PLEKHG2: variants seen among roughly 807,000 people sequenced by gnomAD.
The protein encoded by PLEKHG2 is pleckstrin homology and RhoGEF domain containing G2.
PLEKHG2 carries 71 observed loss-of-function variants against 104.4 expected under a neutral mutation model. That is an observed-to-expected ratio of 0.68 (90% confidence interval 0.56 to 0.83). PLEKHG2 has a LOEUF of 0.83. Among genes scored for constraint, PLEKHG2 ranks in the 40% least tolerant of loss-of-function variants. The pLI is 0.00. For missense variants in PLEKHG2, 1,730 were observed against 1,809.4 expected (o/e 0.96, Z 0.80); for synonymous variants, 728 against 737.0 (o/e 0.99, Z 0.20).
In PLEKHG2 at chr19:39,425,267, G is replaced by A. The variant is rs771764171; in HGVS notation, c.4134G>A (p.Gly1378=). The change falls in exon 19 of 19, where the codon GGG becomes GGA. Residue 1378 remains glycine, a synonymous_variant. Transcript: ENST00000425673. ...QESMGLHRAQ[G]APDAPFHM ...CTATGGGCCTTCACAGGGCCCAGGG[G>A]GCTCCTGATGCCCCCTTCCACATGT... is the stretch of plus-strand genomic sequence containing the variant. 4.1e-5 allele frequency: 66 copies of A among 1,612,672 alleles called. No individual in the cohort carries two copies. The highest frequency in any genetic ancestry group is 5.5e-5 in the Non-Finnish European group (65 of 1,179,768).
In PLEKHG2 at chr19:39,416,248, C is replaced by T. The variant is rs983892538; in HGVS notation, c.480-100C>T. 1.3e-4 allele frequency: 162 copies of T among 1,203,392 alleles called. 2 individuals carry two copies. The East Asian group carries it at 3.7e-3, about 28-fold the overall frequency. 74.5% of individuals were successfully genotyped at this position (1,203,392 alleles called of 1,614,324 possible). A position where few individuals can be genotyped will look rare whatever the true frequency, so the allele number is the denominator to read the frequency against. Reference sequence around the variant, plus strand: ...TAGGAGATGCTGGCAGTCAGCAAGCCCCCAGCCCCAGCAGACCATTGGGGC... The same window carrying T: ...TAGGAGATGCTGGCAGTCAGCAAGCTCCCAGCCCCAGCAGACCATTGGGGC... On this transcript the variant is annotated intron_variant, in intron 4 of 18. Transcript: ENST00000425673. This position sits in a 1 kb window ranked among gnomAD's most constrained non-coding sequence, Gnocchi z 4.5.
chr19:39,421,218 G>A (rs1205745728), intron 15 of PLEKHG2, 65 bp from the exon 16 acceptor site: 43 of 1,612,388 alleles, frequency 2.7e-5, no homozygotes, highest in Non-Finnish European at 3.6e-5. Flanking sequence ...TCAGTTATGG[G>A]GGAATCACTC....
At chr19:39,414,007 T>A in intron 1 of PLEKHG2, 58 bp from the exon 2 acceptor site, 3 of 1,219,282 alleles carry the variant, frequency 2.5e-6, no homozygotes, top group Non-Finnish European at 3.5e-6. Flanking sequence ...CATCTGTGAG[T>A]CTGGGCGGCG....
rs1255761935 is a variant in PLEKHG2, at chr19:39,420,617, G to A, written c.1264-9G>A. Reference sequence around the variant, plus strand: ...GACCCACCTCAGCCCTCATCCTCCTGTCTTTCAGGCAAAGCAAGTTCTCCT... The same window carrying A: ...GACCCACCTCAGCCCTCATCCTCCTATCTTTCAGGCAAAGCAAGTTCTCCT... On this transcript the variant is annotated splice_polypyrimidine_tract_variant and intron_variant, in intron 11 of 18. Transcript: ENST00000425673. 2 of 1,614,008 alleles carry A rather than the reference G, an allele frequency of 1.2e-6. No homozygotes were observed. The highest frequency in any genetic ancestry group is 1.7e-5 in the Admixed American group (1 of 59,990).
chr19:39,424,267 T>C lies in PLEKHG2; in HGVS notation c.3134T>C (p.Leu1045Pro). Residue 1045 changes from leucine (L) to proline (P), a missense_variant, in exon 19 of 19, where the codon CTA becomes CCA. By Grantham distance (98) the Leu-to-Pro change is moderately conservative (BLOSUM62 -3). Coordinates refer to ENST00000425673, the MANE Select transcript of PLEKHG2 (RefSeq NM_022835.3). ...CCTGTGCCCAAGCAAGAAGGTCACCTAGACAGCGAGAGCCCAACCAATATC... is the reference window on the plus strand; with the variant it reads ...CCTGTGCCCAAGCAAGAAGGTCACCCAGACAGCGAGAGCCCAACCAATATC... Reference protein sequence around the residue: ...TTPVPKQEGHLDSESPTNIPL... With the variant: ...TTPVPKQEGHPDSESPTNIPL... 6.2e-7 allele frequency: 1 copy of C among 1,614,084 alleles called. No homozygotes were observed. The highest frequency in any genetic ancestry group is 8.5e-7 in the Non-Finnish European group (1 of 1,180,012).
Position 39,419,922 on chromosome 19 carries a change from G to A in PLEKHG2, c.1264-704G>A, listed in dbSNP as rs151287679. 6.7e-3 allele frequency among the ~76,000 whole-genome samples: 1,015 copies of A among 151,244 alleles called. 5 individuals carry two copies. Among genetic ancestry groups the A allele is most frequent in the Non-Finnish European group, 0.01 (706 of 67,772 alleles). ...AGAAAAATTAGCTGGGCATGGTGGC[G>A]CATGCCTGTAATCCCAGCTACTAGG... is the stretch of plus-strand genomic sequence containing the variant. On this transcript the variant is annotated intron_variant, in intron 11 of 18. Coordinates refer to ENST00000425673, the MANE Select transcript of PLEKHG2 (RefSeq NM_022835.3).
At chr19:39,418,147 A>G in intron 9 of PLEKHG2, 42 bp downstream of exon 9, 1 of 1,437,400 alleles carries the variant, frequency 7.0e-7, no homozygotes, top group Non-Finnish European at 9.2e-7. Flanking sequence ...CTACCTACAA[A>G]GTATATCCCA....
chr19:39,419,506 C>T (rs1052213345), intron 11 of PLEKHG2, among the ~76,000 whole-genome samples: 13 of 152,162 alleles, frequency 8.5e-5, no homozygotes, highest in Admixed American at 5.2e-4. Context: ...CTTTGGGAGA[C>T]CAAGGCGGGC....
Position 39,426,219 on chromosome 19 carries a change from A to G in PLEKHG2, c.*925A>G, listed in dbSNP as rs1340726023. On this transcript the variant is annotated 3_prime_UTR_variant, in exon 19 of 19. Transcript: ENST00000425673. ...GGGAGATCAATTTTGGGGCTCTGGG[A>G]TAAGTCTGTCCCACATCTGTCTGAT... 1 of 152,270 alleles carries G rather than the reference A, an allele frequency of 6.6e-6. No homozygotes were observed. Among genetic ancestry groups the G allele is most frequent in the Non-Finnish European group, 1.5e-5 (1 of 68,154 alleles). 9.4% of individuals were successfully genotyped at this position (152,270 alleles called of 1,614,324 possible). A position where few individuals can be genotyped will look rare whatever the true frequency, so the allele number is the denominator to read the frequency against.
At chr19:39,417,801 G>A in intron 8 of PLEKHG2, 104 bp from the exon 9 acceptor site, 3 of 1,504,112 alleles carry the variant, frequency 2.0e-6, no homozygotes, top group Non-Finnish European at 2.7e-6. Context: ...GGGTTGGCTG[G>A]GACAGCATGG....
rs191040189 is a variant in PLEKHG2 at position 39,414,212 on chromosome 19, G to A, written c.109+17G>A. The A allele has an allele frequency of 5.8e-6, 9 of 1,549,548 alleles. No homozygotes were observed. In the Admixed American group the frequency reaches 1.8e-4, roughly 30 times the overall value. ...CTCGGACAGGTGAGCCTAGAGGCAGGGGCGGCGGAGCCTGTGGGGCTTTTA... is the reference window on the plus strand; with the variant it reads ...CTCGGACAGGTGAGCCTAGAGGCAGAGGCGGCGGAGCCTGTGGGGCTTTTA... On this transcript the variant is annotated intron_variant, in intron 2 of 18. Coordinates refer to ENST00000425673, the MANE Select transcript of PLEKHG2 (RefSeq NM_022835.3).
chr19:39,422,325 C>T (rs928477737), intron 17 of PLEKHG2, 37 bp downstream of exon 17: 1 of 1,592,882 alleles, frequency 6.3e-7, no homozygotes, highest in Non-Finnish European at 8.6e-7. Context: ...CCTTGGGCCT[C>T]TGGGTGTGGG....
chr19:39,421,546 G>C (rs1218005521), intron 16 of PLEKHG2: 1 of 541,464 alleles, frequency 1.8e-6, no homozygotes, highest in Non-Finnish European at 3.3e-6. Flanking sequence ...AAATTAGCCA[G>C]GCACACTAGT....
At position 39,424,874 on chromosome 19, in the gene PLEKHG2, C is replaced by A. The variant is rs757870349; in HGVS notation, c.3741C>A (p.His1247Gln). 8.7e-6 allele frequency: 14 copies of A among 1,614,100 alleles called. No homozygotes were observed. In the South Asian group the frequency reaches 1.5e-4, roughly 18 times the overall value. Reference protein sequence around the residue: ...LSKPGGSLASHVARLESSDLT... With the variant: ...LSKPGGSLASQVARLESSDLT... ...AACCAGGAGGCTCCTTAGCCTCTCA[C>A]GTTGCCAGGTTGGAGTCTTCAGACT... The change falls in exon 19 of 19, where the codon CAC becomes CAA. Residue 1247 changes from histidine to glutamine, a missense_variant. Physicochemically the swap from His to Gln is conservative, Grantham distance 24 (BLOSUM62 0). Coordinates refer to ENST00000425673, the MANE Select transcript of PLEKHG2 (RefSeq NM_022835.3).
In PLEKHG2 at chr19:39,421,292, G is replaced by A; in HGVS notation, c.1496G>A (p.Gly499Glu). The A allele has an allele frequency of 4.3e-6, 7 of 1,613,842 alleles. No homozygotes were observed. Among genetic ancestry groups the A allele is most frequent in the Non-Finnish European group, 5.9e-6 (7 of 1,179,800 alleles). Residue 499 changes from glycine (G) to glutamate (E), a missense_variant, in exon 16 of 19, where the codon GGA (glycine) becomes GAA (glutamate). By Grantham distance (98) the Gly-to-Glu change is moderately conservative. Coordinates refer to ENST00000425673, the MANE Select transcript of PLEKHG2 (RefSeq NM_022835.3). ...YVMFPQNAKP[G>E]FKHAGSEGEL... ...ATCTCTCCATCCTTAGCTAAGCCTG[G>A]ATTCAAGGTAAGAGATATCTCGAGA...
rs1211270080 is a variant in PLEKHG2 at position 39,423,473 on chromosome 19, G to C, written c.2419G>C (p.Ala807Pro). The C allele has an allele frequency of 2.5e-6, 4 of 1,600,614 alleles. No individual in the cohort carries two copies. The change falls in exon 18 of 19, where the codon GCC (alanine) becomes CCC (proline). Residue 807 changes from alanine to proline, a missense_variant. Ala to Pro is a conservative substitution (Grantham distance 27). Transcript: ENST00000425673. ...GGDSGSGKAGAPSSERTASRV... is the reference protein window; with the variant it reads ...GGDSGSGKAGPPSSERTASRV... ...AGACAGCGGGAGCGGGAAGGCAGGAGCCCCGAGTTCAGAAAGGACGGCGTC... is the reference window on the plus strand; with the variant it reads ...AGACAGCGGGAGCGGGAAGGCAGGACCCCCGAGTTCAGAAAGGACGGCGTC...
Position 39,424,043 on chromosome 19 carries a change from A to G in PLEKHG2, c.2910A>G (p.Thr970=). 6.2e-7 allele frequency: 1 copy of G among 1,613,494 alleles called. No individual in the cohort carries two copies. The highest frequency in any genetic ancestry group is 1.3e-5 in the African/African-American group (1 of 74,802). The part of the protein sequence containing the change: ...GPLHLQVPAL[T]TFSDQGHPEI... ...TGCACCTCCAGGTGCCGGCTCTTACAACTTTCTCTGATCAAGGCCACCCAG... is the reference window on the plus strand; with the variant it reads ...TGCACCTCCAGGTGCCGGCTCTTACGACTTTCTCTGATCAAGGCCACCCAG... The change falls in exon 19 of 19, where the codon ACA becomes ACG. Residue 970 remains threonine, a synonymous_variant. Transcript: ENST00000425673.
chr19:39,423,620 TCCCCCTGTCTG>T lies in PLEKHG2; in HGVS notation c.2571_2581del (p.Cys858GlyfsTer18), dbSNP rs774119976. 3.3e-6 allele frequency: 5 copies of T among 1,534,252 alleles called. No homozygotes were observed. The highest frequency in any genetic ancestry group is 1.8e-6 in the Non-Finnish European group (2 of 1,142,268). ...TCGGGTTCTGGCCCAACCCCAGCCA[TCCCCCTGTCTG>T]CCCCAGGAGCAGGCAGAGCCAGGTG... On this transcript the variant is annotated frameshift_variant, in exon 18 of 19. Transcript: ENST00000425673. LOFTEE classifies it low-confidence loss of function (END_TRUNC).
intron 8 of PLEKHG2, 53 bp downstream of exon 8, chr19:39,417,745 C>CT: frequency 2.5e-6 from 1 of 407,634 alleles, no homozygotes; most frequent in Admixed American, 4.0e-5. Context: ...GCGAGGGGGC[C>CT]TTGGGGCGGG....
Sources: allele counts gnomAD v4.1 joint callset (sites outside exome capture counted in the v4.1 genomes callset), GRCh38; gene constraint gnomAD v4.1.1; non-coding constraint Gnocchi (gnomAD v3.1); transcripts MANE v1.5; gene names NCBI Gene and HGNC (gene_info 2026-07-23, HGNC 2026-07-21).